The following FAM20C variants were observed in gnomAD, a reference collection of about 807,000 sequenced individuals.
The protein encoded by FAM20C is FAM20C golgi associated secretory pathway kinase.
A neutral mutation model predicts 51.5 loss-of-function variants in FAM20C; 40 were observed. The observed-to-expected ratio is 0.78, with a 90% CI of 0.60 to 1.01. The LOEUF is 1.01. Among genes scored for constraint, FAM20C ranks in the 50% least tolerant of loss-of-function variants. The pLI, the probability that FAM20C is intolerant of heterozygous loss-of-function variation, is 0.00. For missense variants in FAM20C, 861 were observed against 844.7 expected (o/e 1.02, Z -0.24); for synonymous variants, 406 against 380.6 (o/e 1.07, Z -0.78).
chr7:218,781 C>T (rs1025717084), intron 3 of FAM20C, among the ~76,000 whole-genome samples: 3 of 151,152 alleles, frequency 2.0e-5, no homozygotes, highest in African/African-American at 7.3e-5. Context: ...AGATCACTCC[C>T]GTCCGGCCGG....
At chr7:195,857 T>C (rs1785842309) in intron 2 of FAM20C, 125 bp downstream of exon 2, 5 of 910,406 alleles carry the variant, frequency 5.5e-6, no homozygotes, top group Non-Finnish European at 7.3e-6. Context: ...CGTCACCTCC[T>C]GCAGCAATCT....
chr7:209,009 G>A (rs762173714), intron 3 of FAM20C, 33 bp downstream of exon 3: 6 of 1,557,192 alleles, frequency 3.9e-6, no homozygotes, highest in South Asian at 1.2e-5. Context: ...TGGGGCGTGA[G>A]GAGCTGGAGC....
At chr7:202,471 C>T (rs1205323433) in intron 2 of FAM20C, among the ~76,000 whole-genome samples, 3 of 86,582 alleles carry the variant, frequency 3.5e-5, no homozygotes, top group African/African-American at 1.4e-4. Context: ...GATATCTTCC[C>T]ATGTGCATAG....
intron 8 of FAM20C, among the ~76,000 whole-genome samples, chr7:257,980 CAGTG>C (rs1788678310): frequency 2.1e-5 from 2 of 93,328 alleles, no homozygotes; most frequent in African/African-American, 4.6e-5. Flanking sequence ...TGGAGATAGG[CAGTG>C]TGGACCCACT....
chr7:226,223 G>A (rs939345747), intron 3 of FAM20C, among the ~76,000 whole-genome samples: 5 of 152,118 alleles, frequency 3.3e-5, no homozygotes, highest in African/African-American at 9.7e-5. Context: ...TGGTGTCCAC[G>A]CACCCCATGT....
intron 3 of FAM20C, among the ~76,000 whole-genome samples, chr7:213,068 C>T (rs796797194): frequency 3.3e-5 from 5 of 151,144 alleles, no homozygotes; most frequent in East Asian, 1.9e-4. Context: ...TCACGCACTG[C>T]GTAGTCCTTT....
intron 2 of FAM20C, among the ~76,000 whole-genome samples, chr7:202,462 A>G (rs1045588460): frequency 7.6e-6 from 1 of 132,330 alleles, no homozygotes; most frequent in Admixed American, 7.7e-5. Context: ...GGCGCTATGG[A>G]TATCTTCCCA....
At chr7:199,275 C>T (rs746307002) in intron 2 of FAM20C, among the ~76,000 whole-genome samples, 76 of 152,344 alleles carry the variant, frequency 5.0e-4, no homozygotes, top group Middle Eastern at 3.4e-3. Flanking sequence ...AGGCCCTTGG[C>T]GTGGCCAAGC....
At chr7:257,781 CG>C (rs1439514556) in intron 8 of FAM20C, among the ~76,000 whole-genome samples, 1 of 96,268 alleles carries the variant, frequency 1.0e-5, no homozygotes, top group African/African-American at 4.6e-5. Context: ...ACCCACTGCC[CG>C]GGGTGCTGGA....
chr7:218,568 T>C (rs1354150029), intron 3 of FAM20C, among the ~76,000 whole-genome samples: 3 of 152,100 alleles, frequency 2.0e-5, no homozygotes, highest in East Asian at 3.9e-4. Context: ...GACAAGTGTG[T>C]GGGCATCGTT....
intron 3 of FAM20C, among the ~76,000 whole-genome samples, chr7:214,301 G>A (rs546211454): frequency 3.4e-4 from 51 of 152,180 alleles, no homozygotes; most frequent in African/African-American, 1.2e-3. Context: ...CTCCAGCCTG[G>A]GCAATAAGAG....
At chr7:220,923 TCTAGCAGGGCAGGGGGCTGCAGGAGCC>T in intron 3 of FAM20C, among the ~76,000 whole-genome samples, 1 of 151,968 alleles carries the variant, frequency 6.6e-6, no homozygotes, top group Non-Finnish European at 1.5e-5. Flanking sequence ...GAGCCTCGTC[TCTAGCAGGGCAGGGGGCTGCAGGAGCC>T]GTTCTTAGCA....
intron 3 of FAM20C, chr7:228,748 G>C (rs1318626088): frequency 2.2e-6 from 1 of 456,252 alleles, no homozygotes. Context: ...CCTCCACCAA[G>C]AGTGACCTGA....
chr7:257,701 ACC>A lies in FAM20C; in HGVS notation c.1445+618_1445+619del, dbSNP rs1788637749. On this transcript the variant is annotated intron_variant, in intron 8 of 9. Transcript: ENST00000313766. ...ACCCTTCCCCAGGCCAGAGGCCAGG[ACC>A]CCACATACAGGGCTGGGGACAGGCG... is the stretch of plus-strand genomic sequence containing the variant. 4.6e-5 allele frequency among the ~76,000 whole-genome samples: 7 copies of A among 151,238 alleles called. No individual in the cohort carries two copies. In the South Asian group the frequency reaches 1.5e-3, roughly 32 times the overall value.
At chr7:198,792 T>C (rs1786003989) in intron 2 of FAM20C, among the ~76,000 whole-genome samples, 1 of 152,146 alleles carries the variant, frequency 6.6e-6, no homozygotes, top group Non-Finnish European at 1.5e-5. Flanking sequence ...GCTCTCCTAC[T>C]GGGTGGGGTC....
At position 246,060 on chromosome 7, in the gene FAM20C, C is replaced by T. The variant is rs958778534; in HGVS notation, c.864-355C>T. 9 of 183,566 alleles carry T rather than the reference C, an allele frequency of 4.9e-5. No individual in the cohort carries two copies. In the South Asian group the frequency reaches 6.2e-4, roughly 13 times the overall value. 11.4% of individuals were successfully genotyped at this position (183,566 alleles called of 1,614,324 possible). On this transcript the variant is annotated intron_variant, in intron 3 of 9. Transcript: ENST00000313766. Reference sequence around the variant, plus strand: ...ACTGTGGGTCCCAGGGTGGACGTGCCGGGGCCCCCAGCCAGTGCAGGAGAG... The same window carrying T: ...ACTGTGGGTCCCAGGGTGGACGTGCTGGGGCCCCCAGCCAGTGCAGGAGAG...
intron 5 of FAM20C, among the ~76,000 whole-genome samples, chr7:250,299 G>A (rs143007026): frequency 0.25 from 37,706 of 152,034 alleles, 4,809 homozygotes; most frequent in Middle Eastern, 0.35. Context: ...AGGGCTCACC[G>A]AGATCCTCAT....
In FAM20C at chr7:257,694, G is replaced by A. The variant is rs868838219; in HGVS notation, c.1445+608G>A. ...GCCCAGGACCCTTCCCCAGGCCAGA[G>A]GCCAGGACCCCACATACAGGGCTGG... is the stretch of plus-strand genomic sequence containing the variant. On this transcript the variant is annotated intron_variant, in intron 8 of 9. Coordinates refer to ENST00000313766, the MANE Select transcript of FAM20C (RefSeq NM_020223.4). Among the ~76,000 whole-genome samples, 12 of 152,364 alleles carry A rather than the reference G, an allele frequency of 7.9e-5. 1 individual carries two copies. The South Asian group carries it at 2.3e-3, about 29-fold the overall frequency.
chr7:195,734 T>A lies in FAM20C; in HGVS notation c.784+2T>A. The A allele has an allele frequency of 6.2e-7, 1 of 1,600,872 alleles. No individual in the cohort carries two copies. Among genetic ancestry groups the A allele is most frequent in the Non-Finnish European group, 8.5e-7 (1 of 1,173,014 alleles). On this transcript the variant is annotated splice_donor_variant, in intron 2 of 9. Transcript: ENST00000313766. LOFTEE classifies it high-confidence loss of function. ...GCTCCCAGAGGATCACCAGCGTGGG[T>A]AGGTGTCCTTGGGTGCACTCAGGGC...
Sources: allele counts gnomAD v4.1 joint callset (sites outside exome capture counted in the v4.1 genomes callset), GRCh38; gene constraint gnomAD v4.1.1; transcripts MANE v1.5; gene names NCBI Gene and HGNC (gene_info 2026-07-23, HGNC 2026-07-21).